Variants in CDH15 observed in about 807,000 individuals in gnomAD.
CDH15 encodes cadherin 15.
Under a neutral mutation model 69.4 loss-of-function variants are expected in CDH15, and 73 were observed. That is an observed-to-expected ratio of 1.05 (90% confidence interval 0.87 to 1.28). The LOEUF (loss-of-function observed/expected upper bound fraction) is 1.28. Among genes scored for constraint, CDH15 ranks in the 50% most tolerant of loss-of-function variants. The probability of loss-of-function intolerance (pLI) is 0.00; values close to 1 mark genes in which losing one functional copy is unlikely to be tolerated. For missense variants in CDH15, 1,343 were observed against 1,133.6 expected, an observed-to-expected ratio of 1.18 and a Z score of -2.65; for synonymous variants, 624 against 507.7, an observed-to-expected ratio of 1.23 and a Z score of -3.08.
In CDH15 at chr16:89,192,240, C is replaced by T. The variant is rs1246868499; in HGVS notation, c.1651C>T (p.Pro551Ser). 5 of 1,529,664 alleles carry T rather than the reference C, an allele frequency of 3.3e-6. No homozygotes were observed. The African/African-American group carries it at 5.5e-5, about 17-fold the overall frequency. 94.8% of individuals were successfully genotyped at this position (1,529,664 alleles called of 1,614,324 possible). A position where few individuals can be genotyped will look rare whatever the true frequency, so the allele number is the denominator to read the frequency against. ...GCGCCTGCGGCCGCGACACCAGGTC[C>T]CCGAAGGCCTGCACCGCCTCAGCCT... ...HARLRPRHQV[P>S]EGLHRLSLLL... is the part of the protein sequence containing the mutation. Residue 551 changes from proline (P) to serine (S), a missense_variant, in exon 11 of 14, where the codon CCC becomes TCC. Pro to Ser is a moderately conservative substitution (Grantham distance 74, BLOSUM62 -1). Coordinates refer to ENST00000289746, the MANE Select transcript of CDH15 (RefSeq NM_004933.3).
At chr16:89,179,271 C>T in intron 1 of CDH15, 145 bp from the exon 2 acceptor site, 2 of 873,852 alleles carry the variant, frequency 2.3e-6, no homozygotes, top group Non-Finnish European at 3.6e-6. Context: ...TGTGTGGAAG[C>T]CGCCTTGCGC....
At position 89,174,823 on chromosome 16, in the gene CDH15, C is replaced by G. The variant is rs940717649; in HGVS notation, c.42+2950C>G. On this transcript the variant is annotated intron_variant, in intron 1 of 13. Coordinates refer to ENST00000289746, the MANE Select transcript of CDH15 (RefSeq NM_004933.3). ...GGAGTGGACGAGTGTCCACAAAATC[C>G]ACCTCCCAGGGTGCTTGCGTCCCCT... Among the ~76,000 whole-genome samples, 61 of 152,244 alleles carry G rather than the reference C, an allele frequency of 4.0e-4. 1 individual carries two copies. The highest frequency in any genetic ancestry group is 1.5e-3 in the African/African-American group (61 of 41,536).
At chr16:89,179,162 GC>G (rs1410397475) in intron 1 of CDH15, among the ~76,000 whole-genome samples, 1 of 152,250 alleles carries the variant, frequency 6.6e-6, no homozygotes, top group Non-Finnish European at 1.5e-5. Context: ...CTGGATGGGG[GC>G]TTTGAGGGCC....
At chr16:89,192,163 C>A in intron 10 of CDH15, 42 bp from the exon 11 acceptor site, 2 of 1,486,492 alleles carry the variant, frequency 1.3e-6, no homozygotes, top group Non-Finnish European at 1.8e-6. Context: ...GAAGTGGGGG[C>A]GGCCTCGGGA....
At position 89,193,920 on chromosome 16, in the gene CDH15, G is replaced by C; in HGVS notation, c.2151+7G>C. 6.2e-7 allele frequency: 1 copy of C among 1,611,660 alleles called. No homozygotes were observed. The highest frequency in any genetic ancestry group is 8.5e-7 in the Non-Finnish European group (1 of 1,179,652). On this transcript the variant is annotated splice_region_variant and intron_variant, in intron 13 of 13. Transcript: ENST00000289746. ...CGCCGACTTCATCAATGATGTAGGT[G>C]CTCCTGGGGACACCCCAGTACACAC...
intron 5 of CDH15, 25 bp downstream of exon 5, chr16:89,185,358 A>C: frequency 6.3e-7 from 1 of 1,576,874 alleles, no homozygotes; most frequent in Non-Finnish European, 8.6e-7. Flanking sequence ...CGGCAGCTCC[A>C]CACCCGCACG....
At chr16:89,187,984 C>T in intron 6 of CDH15, 116 bp from the exon 7 acceptor site, 1 of 926,936 alleles carries the variant, frequency 1.1e-6, no homozygotes, top group Non-Finnish European at 1.6e-6. Flanking sequence ...GGAGGGTGTT[C>T]CTGCTGGGAG....
In CDH15 at chr16:89,175,837, G is replaced by A. The variant is rs149838044; in HGVS notation, c.43-3579G>A. On this transcript the variant is annotated intron_variant, in intron 1 of 13. Coordinates refer to ENST00000289746, the MANE Select transcript of CDH15 (RefSeq NM_004933.3). Reference sequence around the variant, plus strand: ...TCCTCTCCCTGCTTCCTGCCAAAGCGTTTGCTACTCTCTGGACTCCCAGGA... The same window carrying A: ...TCCTCTCCCTGCTTCCTGCCAAAGCATTTGCTACTCTCTGGACTCCCAGGA... 4.6e-3 allele frequency among the ~76,000 whole-genome samples: 700 copies of A among 152,324 alleles called. 4 individuals carry two copies. Among genetic ancestry groups the A allele is most frequent in the Middle Eastern group, 0.024 (7 of 294 alleles).
rs974762888 is a variant in CDH15, at chr16:89,185,020, C to T, written c.503-153C>T. 4.6e-5 allele frequency among the ~76,000 whole-genome samples: 7 copies of T among 152,238 alleles called. No homozygotes were observed. In the East Asian group the frequency reaches 5.8e-4, roughly 13 times the overall value. ...TGCCGCATGCTGGCCGCCTCGGTGA[C>T]GCAAACAGCAGCATGGACTGACTGC... On this transcript the variant is annotated intron_variant, in intron 4 of 13. Coordinates refer to ENST00000289746, the MANE Select transcript of CDH15 (RefSeq NM_004933.3).
chr16:89,174,194 G>A (rs919614158), intron 1 of CDH15, among the ~76,000 whole-genome samples: 6 of 152,248 alleles, frequency 3.9e-5, no homozygotes, highest in African/African-American at 1.2e-4. Flanking sequence ...TAGAGAGGGT[G>A]GGGCCCAGGG....
intron 3 of CDH15, among the ~76,000 whole-genome samples, chr16:89,182,358 G>C (rs1915399013): frequency 6.9e-6 from 1 of 144,498 alleles, no homozygotes; most frequent in African/African-American, 2.6e-5. Context: ...ATGTCATTTT[G>C]GGCTGGGCAC....
At position 89,190,365 on chromosome 16, in the gene CDH15, G is replaced by A; in HGVS notation, c.1101G>A (p.Gln367=). The A allele has an allele frequency of 6.2e-7, 1 of 1,612,940 alleles. No homozygotes were observed. Among genetic ancestry groups the A allele is most frequent in the Non-Finnish European group, 8.5e-7 (1 of 1,179,974 alleles). Residue 367 remains glutamine (Q), a synonymous_variant, in exon 8 of 14, where the codon CAG becomes CAA. Coordinates refer to ENST00000289746, the MANE Select transcript of CDH15 (RefSeq NM_004933.3). ...AGGCCAAGGTCCGCGTGCATGTGCAGGACACCAACGAGCCCCCCGTGTTCC... is the reference window on the plus strand; with the variant it reads ...AGGCCAAGGTCCGCGTGCATGTGCAAGACACCAACGAGCCCCCCGTGTTCC... ...RGQAKVRVHV[Q]DTNEPPVFQE... is the part of the protein sequence containing the mutation.
At chr16:89,173,959 C>G (rs1567769401) in intron 1 of CDH15, among the ~76,000 whole-genome samples, 1 of 152,342 alleles carries the variant, frequency 6.6e-6, no homozygotes, top group Non-Finnish European at 1.5e-5. Context: ...ACTTCTGCAT[C>G]TGGGTTTTGG....
At chr16:89,184,993 G>A (rs985036507) in intron 4 of CDH15, among the ~76,000 whole-genome samples, 180 bp from the exon 5 acceptor site, 1 of 152,238 alleles carries the variant, frequency 6.6e-6, no homozygotes, top group African/African-American at 2.4e-5. Flanking sequence ...CGACCTGGGG[G>A]TTGCCGCATG....
rs1375470460 is a variant in CDH15, at chr16:89,171,750, C to T, written c.-82C>T. ...CTCTGTCTCTGGCCCTGGCCCGCCC[C>T]GCGCACTTGCGCTGTCACTCAGCCT... On this transcript the variant is annotated 5_prime_UTR_variant, in exon 1 of 14. Coordinates refer to ENST00000289746, the MANE Select transcript of CDH15 (RefSeq NM_004933.3). 13 of 1,388,310 alleles carry T rather than the reference C, an allele frequency of 9.4e-6. No homozygotes were observed. The highest frequency in any genetic ancestry group is 1.3e-5 in the Non-Finnish European group (13 of 1,014,848). The allele number at this position is 1,388,310 out of a possible 1,614,324, so 86.0% of individuals were successfully genotyped here. A position where few individuals can be genotyped will look rare whatever the true frequency, so the allele number is the denominator to read the frequency against.
chr16:89,183,402 C>A, intron 3 of CDH15, 146 bp from the exon 4 acceptor site: 1 of 877,424 alleles, frequency 1.1e-6, no homozygotes, highest in Non-Finnish European at 1.8e-6. Flanking sequence ...TGACAGATGC[C>A]CCACCCTGTG....
At chr16:89,191,921 C>G (rs1276195378) in intron 10 of CDH15, 27 bp downstream of exon 10, 8 of 1,526,228 alleles carry the variant, frequency 5.2e-6, no homozygotes, top group Admixed American at 3.9e-5. Flanking sequence ...GCCGCGCTCC[C>G]CCCATCCCCA....
At chr16:89,183,437 T>C (rs1351346824) in intron 3 of CDH15, 111 bp from the exon 4 acceptor site, 1 of 1,245,048 alleles carries the variant, frequency 8.0e-7, no homozygotes, top group African/African-American at 1.5e-5. Context: ...TTTAAGCTGG[T>C]GTTTCCAGCT....
chr16:89,192,180 C>G (rs1915663160), intron 10 of CDH15, 25 bp from the exon 11 acceptor site: 1 of 1,518,834 alleles, frequency 6.6e-7, no homozygotes, highest in African/African-American at 1.4e-5. Context: ...GGGAGGCCCT[C>G]GCTCACCACA....
Sources: allele counts gnomAD v4.1 joint callset (sites outside exome capture counted in the v4.1 genomes callset), GRCh38; gene constraint gnomAD v4.1.1; transcripts MANE v1.5; gene names NCBI Gene and HGNC (gene_info 2026-07-23, HGNC 2026-07-21).